SSC5D: variants seen among roughly 807,000 people sequenced by gnomAD.
SSC5D encodes soluble scavenger receptor cysteine-rich domain-containing protein SSC5D.
SSC5D carries 106 observed loss-of-function variants against 104.6 expected under a neutral mutation model. The observed-to-expected ratio is 1.01, with a 90% CI of 0.87 to 1.19. The LOEUF (loss-of-function observed/expected upper bound fraction) is 1.19, where lower values mean the gene tolerates loss of function less well. SSC5D is among the 50% of genes most tolerant of loss of function. SSC5D has a pLI of 0.00. For missense variants in SSC5D, 1,993 were observed against 2,153.8 expected, an observed-to-expected ratio of 0.93 and a Z score of 1.48; for synonymous variants, 860 against 883.5, an observed-to-expected ratio of 0.97 and a Z score of 0.47.
intron 12 of SSC5D, among the ~76,000 whole-genome samples, chr19:55,509,244 G>A (rs7248886): frequency 0.57 from 86,705 of 152,090 alleles, 26,072 homozygotes; most frequent in South Asian, 0.74. Flanking sequence ...AAATGACACC[G>A]TCTGGCAGCA....
At chr19:55,501,794 A>T (rs1398709453) in intron 12 of SSC5D, among the ~76,000 whole-genome samples, 1 of 152,044 alleles carries the variant, frequency 6.6e-6, no homozygotes, top group Non-Finnish European at 1.5e-5. Flanking sequence ...CTGTCACCAC[A>T]TTCTTCTGCC....
In SSC5D at chr19:55,490,402, C is replaced by CT; in HGVS notation, c.580_581insT (p.Arg194LeufsTer31). ...CCCTCTGCTGACGACAGGAGCCCCC[C>CT]GCCAAGGTAAGCTCCCTGCAGGCTC... On this transcript the variant is annotated frameshift_variant, in exon 5 of 14. Transcript: ENST00000389623. LOFTEE classifies it high-confidence loss of function. 7.2e-7 allele frequency: 1 copy of CT among 1,381,974 alleles called. No homozygotes were observed. Among genetic ancestry groups the CT allele is most frequent in the Non-Finnish European group, 9.9e-7 (1 of 1,011,156 alleles). The allele number at this position is 1,381,974 out of a possible 1,614,324, so 85.6% of individuals were successfully genotyped here. A position where few individuals can be genotyped will look rare whatever the true frequency, so the allele number is the denominator to read the frequency against.
chr19:55,510,640 C>T (rs1987737055), intron 12 of SSC5D, among the ~76,000 whole-genome samples: 1 of 152,212 alleles, frequency 6.6e-6, no homozygotes, highest in Non-Finnish European at 1.5e-5. Context: ...AGCCACCATG[C>T]CCAGCTGAAA....
At chr19:55,517,166 C>G in intron 13 of SSC5D, 58 bp from the exon 14 acceptor site, 1 of 1,433,260 alleles carries the variant, frequency 7.0e-7, no homozygotes, top group East Asian at 2.5e-5. Flanking sequence ...GGGCGGGACG[C>G]GTGGTGGGCG....
chr19:55,489,075 G>A lies in SSC5D; in HGVS notation c.52+43G>A, dbSNP rs749881441. The stretch of plus-strand genomic sequence containing the variant: ...TCCCATCTGCCCGCCCCCCCCCCCA[G>A]GCCTCCCCCTTCTGCCCATCCAGGC... On this transcript the variant is annotated intron_variant, in intron 2 of 13. Transcript: ENST00000389623. The A allele has an allele frequency of 1.4e-3, 1,240 of 867,600 alleles. 13 individuals carry two copies. The African/African-American group carries it at 0.044, about 30-fold the overall frequency. 53.7% of individuals were successfully genotyped at this position (867,600 alleles called of 1,614,324 possible).
At position 55,511,070 on chromosome 19, in the gene SSC5D, C is replaced by T. The variant is rs181172972; in HGVS notation, c.2786-1941C>T. Among the ~76,000 whole-genome samples the T allele has an allele frequency of 1.8e-3, 268 of 152,326 alleles. 3 individuals carry two copies. Among genetic ancestry groups the T allele is most frequent in the Non-Finnish European group, 8.5e-4 (58 of 68,030 alleles). Reference sequence around the variant, plus strand: ...CTGGGATTACAGGCGTGAGCCACCACACCCGGCCATTACCACTAATGGTTT... The same window carrying T: ...CTGGGATTACAGGCGTGAGCCACCATACCCGGCCATTACCACTAATGGTTT... On this transcript the variant is annotated intron_variant, in intron 12 of 13. Coordinates refer to ENST00000389623, the MANE Select transcript of SSC5D (RefSeq NM_001144950.2).
At position 55,497,913 on chromosome 19, in the gene SSC5D, G is replaced by C. The variant is rs747816144; in HGVS notation, c.1421G>C (p.Ser474Thr). ...CAGCTGCGCCTGGTGGCTGGGCCCA[G>C]CAAGTGCTCAGGTCGACTGGAGGTG... ...SPQLRLVAGP[S>T]KCSGRLEVWH... Residue 474 changes from serine (S) to threonine (T), a missense_variant, in exon 9 of 14, where the codon AGC becomes ACC. This residue lies in a region of SSC5D where 1,101 missense variants were observed against 1,085.0 expected (regional missense o/e 1.01). Transcript: ENST00000389623. 15 of 1,546,578 alleles carry C rather than the reference G, an allele frequency of 9.7e-6. No individual in the cohort carries two copies. The African/African-American group carries it at 1.9e-4, about 20-fold the overall frequency.
Position 55,504,494 on chromosome 19 carries a change from TTG to T in SSC5D, c.2785+3295_2785+3296del, listed in dbSNP as rs1274385671. On this transcript the variant is annotated intron_variant, in intron 12 of 13. Transcript: ENST00000389623. ...TTTGAGTCCCCGTTTCTTATTTATA[TTG>T]TTTTATTTATTTATTATTTATTGAG... Among the ~76,000 whole-genome samples the T allele has an allele frequency of 1.2e-4, 19 of 152,250 alleles. 1 individual carries two copies. In the East Asian group the frequency reaches 3.5e-3, roughly 28 times the overall value.
Position 55,517,425 on chromosome 19 carries a change from C to A in SSC5D, c.3149C>A (p.Pro1050His). 6.4e-7 allele frequency: 1 copy of A among 1,550,986 alleles called. No homozygotes were observed. The highest frequency in any genetic ancestry group is 1.2e-5 in the South Asian group (1 of 84,048). ...TCTGACGCTCCGGACACTTCACCAC[C>A]CACCCCAGACCCGGCCTCCCGGACG... ...ATSDAPDTSP[P>H]TPDPASRTNP... is the part of the protein sequence containing the mutation. Residue 1050 changes from proline to histidine, a missense_variant, in exon 14 of 14, where the codon CCC becomes CAC. Physicochemically the swap from Pro to His is moderately conservative, Grantham distance 77. This residue lies in a region of SSC5D where 423 missense variants were observed against 409.2 expected (regional missense o/e 1.03). Coordinates refer to ENST00000389623, the MANE Select transcript of SSC5D (RefSeq NM_001144950.2).
chr19:55,491,191 T>C, intron 6 of SSC5D, 111 bp downstream of exon 6: 2 of 1,248,972 alleles, frequency 1.6e-6, no homozygotes, highest in Non-Finnish European at 2.2e-6. Context: ...CCTGCCCGCC[T>C]GCTCTCTGCA....
chr19:55,502,370 G>A (rs956617140), intron 12 of SSC5D, among the ~76,000 whole-genome samples: 10 of 147,518 alleles, frequency 6.8e-5, no homozygotes, highest in Admixed American at 4.7e-4. Flanking sequence ...TTTTTCTTTC[G>A]TTGTCAGTTT....
intron 12 of SSC5D, among the ~76,000 whole-genome samples, chr19:55,509,513 G>A: frequency 6.6e-6 from 1 of 151,896 alleles, no homozygotes; most frequent in East Asian, 1.9e-4. Flanking sequence ...ATGCAATCGA[G>A]TAGTACGTAG....
rs1987433949 is a variant in SSC5D, at chr19:55,500,031, A to G, written c.1921A>G (p.Thr641Ala). The G allele has an allele frequency of 6.4e-7, 1 of 1,551,286 alleles. No individual in the cohort carries two copies. Among genetic ancestry groups the G allele is most frequent in the Non-Finnish European group, 8.7e-7 (1 of 1,146,932 alleles). ...WVTKNAKRPT[T>A]QPPVMPTTKH... ...GACAAAAAATGCAAAGAGACCAACC[A>G]CTCAACCCCCAGTGATGCCAACCAC... Residue 641 changes from threonine (T) to alanine (A), a missense_variant, in exon 10 of 14, where the codon ACT (threonine) becomes GCT (alanine). By Grantham distance (58) the Thr-to-Ala change is moderately conservative. Transcript: ENST00000389623. This position sits in a 1 kb window ranked among gnomAD's most constrained non-coding sequence, Gnocchi z 4.6.
Position 55,518,570 on chromosome 19 carries a change from T to G in SSC5D, c.4294T>G (p.Ser1432Ala), listed in dbSNP as rs960770642. The change falls in exon 14 of 14, where the codon TCT becomes GCT. Residue 1432 changes from serine (S) to alanine (A), a missense_variant. Ser to Ala is a moderately conservative substitution (Grantham distance 99). Coordinates refer to ENST00000389623, the MANE Select transcript of SSC5D (RefSeq NM_001144950.2). ...PPPTHTPHSA[S>A]DLTVSPDPLL... Reference sequence around the variant, plus strand: ...ACCCACCCATACCCCACACTCAGCCTCTGACCTTACTGTGTCCCCTGACCC... The same window carrying G: ...ACCCACCCATACCCCACACTCAGCCGCTGACCTTACTGTGTCCCCTGACCC... 3 of 1,543,792 alleles carry G rather than the reference T, an allele frequency of 1.9e-6. No individual in the cohort carries two copies. The highest frequency in any genetic ancestry group is 2.5e-5 in the East Asian group (1 of 40,786).
At chr19:55,488,719 T>C (rs982601145) in intron 1 of SSC5D, 105 bp downstream of exon 1, 1 of 989,798 alleles carries the variant, frequency 1.0e-6, no homozygotes, top group African/African-American at 1.6e-5. Flanking sequence ...TGGTCGCTGG[T>C]GCTCCTGCAT....
chr19:55,499,957 C>T lies in SSC5D; in HGVS notation c.1847C>T (p.Thr616Ile), dbSNP rs1046961614. 2.6e-6 allele frequency: 4 copies of T among 1,551,842 alleles called. No homozygotes were observed. In the African/African-American group the frequency reaches 4.1e-5, roughly 16 times the overall value. Residue 616 changes from threonine (T) to isoleucine (I), a missense_variant, in exon 10 of 14, where the codon ACA (threonine) becomes ATA (isoleucine). By Grantham distance (89) the Thr-to-Ile change is moderately conservative (BLOSUM62 -1). This residue lies in a region of SSC5D where 1,101 missense variants were observed against 1,085.0 expected (regional missense o/e 1.01). Transcript: ENST00000389623. ...ASVTASVLEK[T>I]TTKAPGKMPK... is the part of the protein sequence containing the mutation. ...GTGACTGCCAGTGTTCTGGAGAAAA[C>T]AACCACGAAGGCCCCAGGGAAAATG...
intron 13 of SSC5D, among the ~76,000 whole-genome samples, chr19:55,514,406 AAATAATAATAATAATAAT>A (rs55837985): frequency 9.5e-4 from 95 of 99,578 alleles, no homozygotes; most frequent in South Asian, 5.4e-3. Flanking sequence ...CTCTGTCTCA[AAATAATAATAATAATAAT>A]AATAATAATA....
chr19:55,493,239 T>C (rs1987201262), intron 6 of SSC5D, among the ~76,000 whole-genome samples: 2 of 152,084 alleles, frequency 1.3e-5, no homozygotes, highest in South Asian at 4.2e-4. Flanking sequence ...GAGGATGCAG[T>C]GCAGGACAGT....
rs767435197 is a variant in SSC5D, at chr19:55,493,920, G to T, written c.1213+8G>T. 31 of 1,538,456 alleles carry T rather than the reference G, an allele frequency of 2.0e-5. No individual in the cohort carries two copies. Among genetic ancestry groups the T allele is most frequent in the Admixed American group, 2.0e-5 (1 of 50,694 alleles). On this transcript the variant is annotated splice_region_variant and intron_variant, in intron 7 of 13. Coordinates refer to ENST00000389623, the MANE Select transcript of SSC5D (RefSeq NM_001144950.2). ...CCGGGGCCGTGTGTGACGGTGAGGG[G>T]GTTGTGGTGGAGGACCGGGAGGTGG...
Sources: allele counts gnomAD v4.1 joint callset (sites outside exome capture counted in the v4.1 genomes callset), GRCh38; gene constraint gnomAD v4.1.1; regional missense constraint gnomAD v4.1.1; non-coding constraint Gnocchi (gnomAD v3.1); transcripts MANE v1.5; gene names NCBI Gene and HGNC (gene_info 2026-07-23, HGNC 2026-07-21).